PAX7: variants seen among roughly 807,000 people sequenced by gnomAD.
PAX7 encodes the protein paired box 7.
PAX7 carries 18 observed loss-of-function variants against 50.7 expected under a neutral mutation model. The observed-to-expected ratio is 0.36, with a 90% CI of 0.25 to 0.53. The LOEUF is 0.53. PAX7 is among the 20% of genes least tolerant of loss of function. The pLI, the probability that PAX7 is intolerant of heterozygous loss-of-function variation, is 0.93. For synonymous variants in PAX7, 310 were observed against 290.4 expected, an observed-to-expected ratio of 1.07 and a Z score of -0.69; for missense variants, 644 against 702.9, an observed-to-expected ratio of 0.92 and a Z score of 0.95.
intron 4 of PAX7, among the ~76,000 whole-genome samples, chr1:18,690,045 T>A (rs982677840): frequency 6.6e-6 from 1 of 152,144 alleles, no homozygotes; most frequent in Admixed American, 6.5e-5. Context: ...GCTTCTCCCA[T>A]CTCTGATGCG....
chr1:18,694,464 A>ATAAAT (rs1553139326), intron 5 of PAX7, among the ~76,000 whole-genome samples: 1 of 34,240 alleles, frequency 2.9e-5, no homozygotes, highest in Non-Finnish European at 6.5e-5. Context: ...TGTCTCGAAA[A>ATAAAT]TAAATAAATA....
chr1:18,742,618 G>A (rs1173401184), intron 8 of PAX7, among the ~76,000 whole-genome samples: 1 of 152,212 alleles, frequency 6.6e-6, no homozygotes, highest in African/African-American at 2.4e-5. Context: ...GGGCCAGGCT[G>A]ACTGCCACCA....
At chr1:18,647,266 G>C (rs1381310483) in intron 4 of PAX7, among the ~76,000 whole-genome samples, 2 of 152,294 alleles carry the variant, frequency 1.3e-5, no homozygotes, top group South Asian at 4.1e-4. Context: ...TACTTGGGAC[G>C]GGGTGGTGGA....
chr1:18,687,141 T>C (rs1029948220), intron 4 of PAX7, among the ~76,000 whole-genome samples: 19 of 152,050 alleles, frequency 1.2e-4, no homozygotes, highest in Non-Finnish European at 2.2e-4. Context: ...TCCACCCGCC[T>C]CAGCCTCCCA....
At chr1:18,701,395 T>G (rs2089219449) in intron 6 of PAX7, among the ~76,000 whole-genome samples, 1 of 151,950 alleles carries the variant, frequency 6.6e-6, no homozygotes, top group African/African-American at 2.4e-5. Context: ...TGTGGGTGTG[T>G]GCATGAGTGT....
In PAX7 at chr1:18,726,019, T is replaced by C. The variant is rs2089565610; in HGVS notation, c.1156-9613T>C. 1.3e-5 allele frequency among the ~76,000 whole-genome samples: 2 copies of C among 151,266 alleles called. No homozygotes were observed. Among genetic ancestry groups the C allele is most frequent in the African/African-American group, 4.9e-5 (2 of 41,236 alleles). The stretch of plus-strand genomic sequence containing the variant: ...GCGCGCGCGCGCGTGCGCGCGTGTG[T>C]GTGCGTGTGTTTGTGTGTGTGTGTG... On this transcript the variant is annotated intron_variant, in intron 7 of 8. Coordinates refer to ENST00000420770, the MANE Select transcript of PAX7 (RefSeq NM_001135254.2). This position sits in a 1 kb window ranked among gnomAD's most constrained non-coding sequence, Gnocchi z 4.8.
intron 7 of PAX7, among the ~76,000 whole-genome samples, chr1:18,734,724 C>G (rs1039555617): frequency 3.3e-5 from 5 of 152,138 alleles, no homozygotes; most frequent in Admixed American, 3.3e-4. Flanking sequence ...TTCCCTCACC[C>G]GACCCAGACC....
intron 6 of PAX7, among the ~76,000 whole-genome samples, chr1:18,701,884 G>A (rs979819716): frequency 1.3e-5 from 2 of 152,176 alleles, no homozygotes; most frequent in African/African-American, 2.4e-5. Flanking sequence ...GGATCAGGGG[G>A]CCTTGGGAGA....
At chr1:18,738,478 G>A (rs974695491) in intron 8 of PAX7, among the ~76,000 whole-genome samples, 1 of 152,104 alleles carries the variant, frequency 6.6e-6, no homozygotes, top group African/African-American at 2.4e-5. Flanking sequence ...CCTAGGAGGC[G>A]AGAAAGGAGG....
intron 6 of PAX7, 127 bp from the exon 7 acceptor site, chr1:18,702,967 G>T (rs1570195816): frequency 2.4e-6 from 2 of 830,972 alleles, no homozygotes; most frequent in East Asian, 5.3e-5. Flanking sequence ...TAGCATGAGA[G>T]GGTGGTCCCT....
intron 7 of PAX7, among the ~76,000 whole-genome samples, chr1:18,720,254 G>A (rs2089477735): frequency 6.6e-6 from 1 of 152,164 alleles, no homozygotes; most frequent in African/African-American, 2.4e-5. Flanking sequence ...TAAGCTCCCT[G>A]CGATGACTCA....
chr1:18,703,755 G>T (rs543907978), intron 7 of PAX7, among the ~76,000 whole-genome samples: 1 of 152,254 alleles, frequency 6.6e-6, no homozygotes, highest in South Asian at 2.1e-4. Flanking sequence ...GGAACTGATG[G>T]GCTCATTTTT....
At chr1:18,681,054 C>T (rs2088891452) in intron 4 of PAX7, among the ~76,000 whole-genome samples, 1 of 151,202 alleles carries the variant, frequency 6.6e-6, no homozygotes, top group Non-Finnish European at 1.5e-5. Flanking sequence ...GTAATCCCAG[C>T]TACTCGGAAG....
chr1:18,645,147 C>T (rs944480287), intron 4 of PAX7, among the ~76,000 whole-genome samples: 2 of 152,152 alleles, frequency 1.3e-5, no homozygotes, highest in Admixed American at 6.5e-5. Context: ...TGTGCGCGCG[C>T]GCGCGTGCGT....
At position 18,651,829 on chromosome 1, in the gene PAX7, C is replaced by CCCG. The variant is rs1557510089; in HGVS notation, c.586+15458_586+15459insCCG. Among the ~76,000 whole-genome samples the CCCG allele has an allele frequency of 3.8e-3, 549 of 145,278 alleles. 7 individuals carry two copies. The highest frequency in any genetic ancestry group is 9.9e-3 in the African/African-American group (374 of 37,678). On this transcript the variant is annotated intron_variant, in intron 4 of 8. Coordinates refer to ENST00000420770, the MANE Select transcript of PAX7 (RefSeq NM_001135254.2). ...CCCCCTCTCCCCTCCCCGCCCCCCCCACCCCACCGCCTCTTCATGCACCTG... is the reference window on the plus strand; with the variant it reads ...CCCCCTCTCCCCTCCCCGCCCCCCCCCCGACCCCACCGCCTCTTCATGCACCTG...
At chr1:18,737,538 TG>T (rs755600569) in intron 8 of PAX7, among the ~76,000 whole-genome samples, 1 of 152,260 alleles carries the variant, frequency 6.6e-6, no homozygotes, top group Non-Finnish European at 1.5e-5. Flanking sequence ...AATTCTTGTG[TG>T]TGTGTGCATG....
At chr1:18,731,430 C>T (rs1254877580) in intron 7 of PAX7, among the ~76,000 whole-genome samples, 2 of 152,194 alleles carry the variant, frequency 1.3e-5, no homozygotes, top group African/African-American at 4.8e-5. Flanking sequence ...GTGCAAATCC[C>T]AGCTCTGCCA....
Position 18,647,907 on chromosome 1 carries a change from CAGA to C in PAX7, c.586+11541_586+11543del, listed in dbSNP as rs139455300. On this transcript the variant is annotated intron_variant, in intron 4 of 8. Coordinates refer to ENST00000420770, the MANE Select transcript of PAX7 (RefSeq NM_001135254.2). ...ATCCCTCCTGATCTACAGTTCTAGA[CAGA>C]AGAAATAGACCTGCTCTGTGGGCAG... is the stretch of plus-strand genomic sequence containing the variant. Among the ~76,000 whole-genome samples the C allele has an allele frequency of 1.5e-3, 235 of 152,282 alleles. 1 individual carries two copies. Among genetic ancestry groups the C allele is most frequent in the Non-Finnish European group, 2.8e-3 (190 of 68,014 alleles).
At chr1:18,715,718 C>A (rs2089411907) in intron 7 of PAX7, among the ~76,000 whole-genome samples, 1 of 152,138 alleles carries the variant, frequency 6.6e-6, no homozygotes, top group African/African-American at 2.4e-5. Flanking sequence ...AATAATCATG[C>A]CCATTTTATA....
Sources: allele counts gnomAD v4.1 joint callset (sites outside exome capture counted in the v4.1 genomes callset), GRCh38; gene constraint gnomAD v4.1.1; non-coding constraint Gnocchi (gnomAD v3.1); transcripts MANE v1.5; gene names NCBI Gene and HGNC (gene_info 2026-07-23, HGNC 2026-07-21).